ZC3H14: variants seen among roughly 807,000 people sequenced by gnomAD.
The protein encoded by ZC3H14 is zinc finger CCCH domain-containing protein 14.
ZC3H14 carries 31 observed loss-of-function variants against 92.4 expected under a neutral mutation model. The observed-to-expected ratio is 0.34, with a 90% CI of 0.25 to 0.45. The LOEUF (loss-of-function observed/expected upper bound fraction) is 0.45. Ranked by LOEUF, ZC3H14 falls within the 20% of genes least tolerant of loss-of-function variation. The pLI is 1.00. For synonymous variants in ZC3H14, 321 were observed against 300.9 expected, an observed-to-expected ratio of 1.07 and a Z score of -0.69; for missense variants, 781 against 897.3, an observed-to-expected ratio of 0.87 and a Z score of 1.66.
At position 88,618,471 on chromosome 14, in the gene ZC3H14, C is replaced by A; in HGVS notation, c.*6720C>A. ...AGTATGCAAAAGATCACTACAAAAA[C>A]TTAATAGGAGAAAAGCTCTGATAAG... is the stretch of plus-strand genomic sequence containing the variant. On this transcript the variant is annotated 3_prime_UTR_variant, in exon 17 of 17. Coordinates refer to ENST00000251038, the MANE Select transcript of ZC3H14 (RefSeq NM_024824.5). The A allele has an allele frequency of 9.2e-7, 1 of 1,091,824 alleles. No individual in the cohort carries two copies. Among genetic ancestry groups the A allele is most frequent in the Non-Finnish European group, 1.3e-6 (1 of 762,144 alleles). 67.6% of individuals were successfully genotyped at this position (1,091,824 alleles called of 1,614,324 possible).
At chr14:88,583,235 G>A (rs1055348812) in intron 9 of ZC3H14, among the ~76,000 whole-genome samples, 4 of 151,364 alleles carry the variant, frequency 2.6e-5, no homozygotes, top group Non-Finnish European at 5.9e-5. Flanking sequence ...GGGCTCAAAT[G>A]ATCCTCCCAC....
chr14:88,602,726 G>A (rs902926848), intron 11 of ZC3H14, 102 bp from the exon 12 acceptor site: 12 of 1,266,834 alleles, frequency 9.5e-6, no homozygotes, highest in East Asian at 5.0e-5. Flanking sequence ...TGAACCAAAC[G>A]CAAAGCCAAG....
intron 9 of ZC3H14, among the ~76,000 whole-genome samples, chr14:88,592,883 G>A (rs1171790969): frequency 6.6e-6 from 1 of 152,018 alleles, no homozygotes; most frequent in African/African-American, 2.4e-5. Context: ...TTGTTTGCTT[G>A]GGGAGTAAAC....
rs757727607 is a variant in ZC3H14 at position 88,618,022 on chromosome 14, CTT to C, written c.*6272_*6273del. The stretch of plus-strand genomic sequence containing the variant: ...AACTTTGATTTCCTTAAAAAAAAAA[CTT>C]GATAAATCATGGAAACTGATAAAAC... On this transcript the variant is annotated 3_prime_UTR_variant, in exon 17 of 17. Coordinates refer to ENST00000251038, the MANE Select transcript of ZC3H14 (RefSeq NM_024824.5). The C allele has an allele frequency of 1.3e-5, 4 of 300,490 alleles. No homozygotes were observed. The highest frequency in any genetic ancestry group is 2.4e-5 in the Non-Finnish European group (4 of 168,320). The allele number at this position is 300,490 out of a possible 1,614,324, so 18.6% of individuals were successfully genotyped here.
At chr14:88,607,431 A>G (rs1595093526) in intron 13 of ZC3H14, 68 bp downstream of exon 13, 2 of 1,419,496 alleles carry the variant, frequency 1.4e-6, no homozygotes, top group East Asian at 6.5e-5. Context: ...TGCAAGTACC[A>G]TCCCCCATCT....
rs558659003 is a variant in ZC3H14, at chr14:88,626,558, A to T, written c.*14807A>T. 1 of 368,896 alleles carries T rather than the reference A, an allele frequency of 2.7e-6. No individual in the cohort carries two copies. Among genetic ancestry groups the T allele is most frequent in the Non-Finnish European group, 5.0e-6 (1 of 199,128 alleles). The allele number at this position is 368,896 out of a possible 1,614,324, so 22.9% of individuals were successfully genotyped here. A position where few individuals can be genotyped will look rare whatever the true frequency, so the allele number is the denominator to read the frequency against. On this transcript the variant is annotated 3_prime_UTR_variant, in exon 17 of 17. Coordinates refer to ENST00000251038, the MANE Select transcript of ZC3H14 (RefSeq NM_024824.5). The stretch of plus-strand genomic sequence containing the variant: ...CTTGAACCTGGGAGATGGAGGCTAC[A>T]GTGAGCTATAATCGCACCATTGCAC...
chr14:88,627,521 T>C lies in ZC3H14; in HGVS notation c.*15770T>C, dbSNP rs889943445. The C allele has an allele frequency of 1.8e-5, 16 of 910,012 alleles. No homozygotes were observed. The highest frequency in any genetic ancestry group is 2.6e-5 in the Non-Finnish European group (16 of 617,264). The allele number at this position is 910,012 out of a possible 1,614,324, so 56.4% of individuals were successfully genotyped here. A position where few individuals can be genotyped will look rare whatever the true frequency, so the allele number is the denominator to read the frequency against. On this transcript the variant is annotated 3_prime_UTR_variant, in exon 17 of 17. Coordinates refer to ENST00000251038, the MANE Select transcript of ZC3H14 (RefSeq NM_024824.5). Reference sequence around the variant, plus strand: ...ACCTACAGTACCACTGTGTACAGTATATTGCATAGGCCTCCACTGAATGAT... The same window carrying C: ...ACCTACAGTACCACTGTGTACAGTACATTGCATAGGCCTCCACTGAATGAT...
rs994843769 is a variant in ZC3H14 at position 88,626,654 on chromosome 14, A to G, written c.*14903A>G. The G allele has an allele frequency of 1.2e-5, 8 of 668,120 alleles. No individual in the cohort carries two copies. The highest frequency in any genetic ancestry group is 1.5e-5 in the Non-Finnish European group (6 of 404,522). 41.4% of individuals were successfully genotyped at this position (668,120 alleles called of 1,614,324 possible). The stretch of plus-strand genomic sequence containing the variant: ...AAATCCTTTTCCCCCTCTCATTAAC[A>G]TTCTTTTCACTCCCTAATTTCTGAA... On this transcript the variant is annotated 3_prime_UTR_variant, in exon 17 of 17. Coordinates refer to ENST00000251038, the MANE Select transcript of ZC3H14 (RefSeq NM_024824.5).
intron 13 of ZC3H14, chr14:88,608,416 T>C: frequency 2.9e-6 from 1 of 342,128 alleles, no homozygotes; most frequent in Admixed American, 3.5e-5. Flanking sequence ...ATCTTACACC[T>C]TATTTTGTTT....
intron 9 of ZC3H14, among the ~76,000 whole-genome samples, chr14:88,586,249 T>A (rs1447875307): frequency 7.2e-5 from 11 of 152,282 alleles, no homozygotes; most frequent in Admixed American, 6.5e-4. Flanking sequence ...GAGGTTTACC[T>A]CCTGTTTATC....
In ZC3H14 at chr14:88,624,434, C is replaced by CT. The variant is rs2089602199; in HGVS notation, c.*12684dup. ...TGGTGACAAATCAAATCATAAGTAT[C>CT]TGGTTACTGTTGGGAGATTTGAAAA... On this transcript the variant is annotated 3_prime_UTR_variant, in exon 17 of 17. Coordinates refer to ENST00000251038, the MANE Select transcript of ZC3H14 (RefSeq NM_024824.5). 6.5e-6 allele frequency: 1 copy of CT among 152,688 alleles called. No homozygotes were observed. Among genetic ancestry groups the CT allele is most frequent in the African/African-American group, 2.4e-5 (1 of 41,426 alleles). 9.5% of individuals were successfully genotyped at this position (152,688 alleles called of 1,614,324 possible).
At chr14:88,573,676 C>T (rs2080783706) in intron 6 of ZC3H14, 1 of 152,096 alleles carries the variant, frequency 6.6e-6, no homozygotes, top group Admixed American at 6.5e-5. Context: ...ATCCACCCAC[C>T]TTGATCTTGG....
Position 88,615,542 on chromosome 14 carries a change from C to A in ZC3H14, c.*3791C>A, listed in dbSNP as rs1237973326. The A allele has an allele frequency of 2.8e-6, 1 of 352,908 alleles. No homozygotes were observed. The highest frequency in any genetic ancestry group is 4.3e-5 in the East Asian group (1 of 23,094). 21.9% of individuals were successfully genotyped at this position (352,908 alleles called of 1,614,324 possible). A position where few individuals can be genotyped will look rare whatever the true frequency, so the allele number is the denominator to read the frequency against. Reference sequence around the variant, plus strand: ...TTTCCCAGCAGGTCTGCCGAAATCACACACTTCCCAATACAGGGGGACTTG... The same window carrying A: ...TTTCCCAGCAGGTCTGCCGAAATCAAACACTTCCCAATACAGGGGGACTTG... On this transcript the variant is annotated 3_prime_UTR_variant, in exon 17 of 17. Transcript: ENST00000251038.
At chr14:88,594,865 TC>T in intron 9 of ZC3H14, 1 of 1,614,074 alleles carries the variant, frequency 6.2e-7, no homozygotes, top group East Asian at 2.2e-5. Flanking sequence ...AAGGAAAATA[TC>T]AGCTGATATC....
At chr14:88,603,262 C>T (rs925965963) in intron 12 of ZC3H14, among the ~76,000 whole-genome samples, 8 of 152,174 alleles carry the variant, frequency 5.3e-5, no homozygotes, top group African/African-American at 1.9e-4. Flanking sequence ...GCTGTTACTC[C>T]AGTTTGAAAA....
At position 88,563,128 on chromosome 14, in the gene ZC3H14, A is replaced by G. The variant is rs371183291; in HGVS notation, c.-6A>G. The stretch of plus-strand genomic sequence containing the variant: ...GCAGTGCTGAGTTCCCGCACGCCGC[A>G]GAGCCATGGAGATCGGCACCGAGAT... On this transcript the variant is annotated 5_prime_UTR_variant, in exon 1 of 17. Transcript: ENST00000251038. 5.0e-6 allele frequency: 8 copies of G among 1,594,104 alleles called. No individual in the cohort carries two copies. The highest frequency in any genetic ancestry group is 6.0e-6 in the Non-Finnish European group (7 of 1,174,050).
In ZC3H14 at chr14:88,574,853, G is replaced by A. The variant is rs1352359484; in HGVS notation, c.1022G>A (p.Arg341Lys). 2 of 1,614,184 alleles carry A rather than the reference G, an allele frequency of 1.2e-6. No individual in the cohort carries two copies. Among genetic ancestry groups the A allele is most frequent in the Non-Finnish European group, 1.7e-6 (2 of 1,180,020 alleles). ...TCTGTGCCTGCAAAGCCTGAAAGGAGGTACCTTGAACATGGCTGTAAATTA... is the reference window on the plus strand; with the variant it reads ...TCTGTGCCTGCAAAGCCTGAAAGGAAGTACCTTGAACATGGCTGTAAATTA... ...SVSVPAKPER[R>K]PSLPPSKQAN... Residue 341 changes from arginine to lysine, a missense_variant and splice_region_variant, in exon 7 of 17, where the codon AGA becomes AAA. By Grantham distance (26) the Arg-to-Lys change is conservative. Transcript: ENST00000251038.
At chr14:88,566,736 A>G (rs570421245) in intron 2 of ZC3H14, among the ~76,000 whole-genome samples, 123 of 152,246 alleles carry the variant, frequency 8.1e-4, no homozygotes, top group African/African-American at 2.6e-3. Context: ...CCTAGTCAAC[A>G]TGCTGAAACC....
chr14:88,608,333 G>C (rs1159530592), intron 13 of ZC3H14: 4 of 459,614 alleles, frequency 8.7e-6, no homozygotes, highest in African/African-American at 8.4e-5. Context: ...ATCTCATCCT[G>C]CAAGTGAATA....
Sources: gnomAD v4.1 joint callset for allele counts (sites outside exome capture counted in the v4.1 genomes callset) on GRCh38, gnomAD v4.1.1 for gene constraint, MANE v1.5 for transcripts, NCBI Gene and HGNC (gene_info 2026-07-23, HGNC 2026-07-21) for gene names.